SORBS2: variants seen among roughly 807,000 people sequenced by gnomAD.
SORBS2 encodes the protein sorbin and SH3 domain-containing protein 2.
A neutral mutation model predicts 97.7 loss-of-function variants in SORBS2; 46 were observed. That is an observed-to-expected ratio of 0.47 (90% CI 0.37 to 0.60). The LOEUF (loss-of-function observed/expected upper bound fraction) is 0.60, where lower values mean the gene tolerates loss of function less well. SORBS2 is among the 20% of genes least tolerant of loss of function. The pLI is 0.00. For missense variants in SORBS2, 1,316 were observed against 1,282.3 expected (o/e 1.03, Z -0.40); for synonymous variants, 476 against 473.4 (o/e 1.01, Z -0.07).
intron 2 of SORBS2, among the ~76,000 whole-genome samples, chr4:185,750,550 T>C (rs997517330): frequency 6.6e-6 from 1 of 152,238 alleles, no homozygotes; most frequent in Non-Finnish European, 1.5e-5. Flanking sequence ...GTGGATCAAT[T>C]GCTGCTGTGC....
intron 1 of SORBS2, among the ~76,000 whole-genome samples, chr4:185,826,616 G>T (rs1037535301): frequency 7.2e-5 from 11 of 152,078 alleles, no homozygotes; most frequent in Non-Finnish European, 1.2e-4. Flanking sequence ...AATATATACT[G>T]TTTTTTCTCT....
intron 2 of SORBS2, among the ~76,000 whole-genome samples, chr4:185,710,558 C>T (rs1186551626): frequency 6.6e-6 from 1 of 152,186 alleles, no homozygotes; most frequent in Non-Finnish European, 1.5e-5. Context: ...CTATATTTAC[C>T]ACTCAAGTTT....
At chr4:185,685,730 C>T (rs1180110570) in intron 2 of SORBS2, among the ~76,000 whole-genome samples, 2 of 152,102 alleles carry the variant, frequency 1.3e-5, no homozygotes, top group East Asian at 1.9e-4. Flanking sequence ...GCTGTGTTCC[C>T]CAGGCTGGTC....
chr4:185,727,647 C>A (rs2098567198), intron 2 of SORBS2, among the ~76,000 whole-genome samples: 2 of 152,054 alleles, frequency 1.3e-5, no homozygotes, highest in Admixed American at 6.6e-5. Context: ...GGAAACCAGC[C>A]CTATTTATCA....
chr4:185,884,766 A>T (rs1423090423), intron 1 of SORBS2, among the ~76,000 whole-genome samples: 1 of 152,210 alleles, frequency 6.6e-6, no homozygotes, highest in African/African-American at 2.4e-5. Context: ...ACTTATATGG[A>T]GTCGGTGTAT....
chr4:185,842,015 A>C (rs1368558109), intron 1 of SORBS2, among the ~76,000 whole-genome samples: 3 of 152,232 alleles, frequency 2.0e-5, no homozygotes, highest in Non-Finnish European at 4.4e-5. Flanking sequence ...TAGGCACCAG[A>C]CACAGGGACT....
intron 1 of SORBS2, among the ~76,000 whole-genome samples, chr4:185,779,829 C>A (rs781746556): frequency 6.6e-6 from 1 of 152,000 alleles, no homozygotes; most frequent in Non-Finnish European, 1.5e-5. Context: ...GTGCTTAGGG[C>A]GAGGCAGCAA....
At chr4:185,869,185 G>T (rs986156238) in intron 1 of SORBS2, among the ~76,000 whole-genome samples, 4 of 152,006 alleles carry the variant, frequency 2.6e-5, no homozygotes, top group African/African-American at 9.7e-5. Context: ...AAATAATTGA[G>T]AGAAAATATT....
At chr4:185,929,530 G>GTTT (rs367695815) in intron 1 of SORBS2, among the ~76,000 whole-genome samples, 6 of 135,128 alleles carry the variant, frequency 4.4e-5, no homozygotes, top group East Asian at 4.2e-4. Context: ...TTTTTGTTGG[G>GTTT]TTTTTTTTTT....
At chr4:185,626,360 C>T (rs764603119) in intron 6 of SORBS2, among the ~76,000 whole-genome samples, 32 of 152,120 alleles carry the variant, frequency 2.1e-4, no homozygotes, top group Non-Finnish European at 4.4e-4. Context: ...ATTAATAGGT[C>T]GGATTTTTTT....
chr4:185,589,831 C>A, intron 13 of SORBS2, 46 bp from the exon 26 acceptor site: 1 of 990,286 alleles, frequency 1.0e-6, no homozygotes. Context: ...TTGACACCTT[C>A]ATGAAATATA....
At chr4:185,854,633 C>G (rs1446222628) in intron 1 of SORBS2, among the ~76,000 whole-genome samples, 8 of 152,152 alleles carry the variant, frequency 5.3e-5, no homozygotes, top group Admixed American at 4.6e-4. Context: ...AGAATGAAAT[C>G]TGTCTACTGT....
In SORBS2 at chr4:185,692,679, AT is replaced by A. The variant is rs544034135; in HGVS notation, c.-197-13858del. ...CTTCTCTCCCAGTGGGGGGAAAATG[AT>A]GAAAGAAAATAACATTAAAAATACA... On this transcript the variant is annotated intron_variant, in intron 2 of 20. Coordinates refer to the SORBS2 transcript ENST00000284776. Among the ~76,000 whole-genome samples the A allele has an allele frequency of 3.7e-3, 566 of 152,320 alleles. 4 individuals carry two copies. The highest frequency in any genetic ancestry group is 0.013 in the African/African-American group (543 of 41,558).
intron 1 of SORBS2, among the ~76,000 whole-genome samples, chr4:185,782,983 C>T (rs1464990430): frequency 6.6e-6 from 1 of 152,160 alleles, no homozygotes; most frequent in African/African-American, 2.4e-5. Context: ...CATCAAGATA[C>T]AGCATGAAAC....
chr4:185,747,133 G>A (rs2098766907), intron 2 of SORBS2, among the ~76,000 whole-genome samples: 1 of 152,098 alleles, frequency 6.6e-6, no homozygotes, highest in African/African-American at 2.4e-5. Context: ...CAGACACCAG[G>A]GATGCATTCA....
At chr4:185,952,977 G>A (rs1211434101) in intron 1 of SORBS2, among the ~76,000 whole-genome samples, 1 of 152,074 alleles carries the variant, frequency 6.6e-6, no homozygotes, top group East Asian at 1.9e-4. Flanking sequence ...CAGCCCACTT[G>A]TAGGTCTCTC....
intron 2 of SORBS2, among the ~76,000 whole-genome samples, chr4:185,721,084 CTT>C (rs1160319469): frequency 0.28 from 25,344 of 91,376 alleles, 2,345 homozygotes; most frequent in Middle Eastern, 0.43. Context: ...CCCACCTATT[CTT>C]TTTTTTTTTT....
chr4:185,683,988 CA>C (rs2097912277), intron 2 of SORBS2, among the ~76,000 whole-genome samples: 1 of 151,446 alleles, frequency 6.6e-6, no homozygotes, highest in Non-Finnish European at 1.5e-5. Flanking sequence ...AAGCAGTCCC[CA>C]AACTGCAGCT....
chr4:185,639,066 C>T, intron 4 of SORBS2, 31 bp from the exon 14 acceptor site: 2 of 1,495,634 alleles, frequency 1.3e-6, no homozygotes, highest in Non-Finnish European at 1.8e-6. Context: ...GAAACTGGTT[C>T]ATTAGATGGA....
Sources: gnomAD v4.1 joint callset for allele counts (sites outside exome capture counted in the v4.1 genomes callset) on GRCh38, gnomAD v4.1.1 for gene constraint, MANE v1.5 for transcripts, NCBI Gene and HGNC (gene_info 2026-07-23, HGNC 2026-07-21) for gene names.